The following ST8SIA2 variants were observed in gnomAD, a reference collection of about 807,000 sequenced individuals.
The protein encoded by ST8SIA2 is ST8 alpha-N-acetyl-neuraminide alpha-2,8-sialyltransferase 2.
In ST8SIA2, 22 loss-of-function variants were observed where a neutral mutation model predicts 37.6. The ratio of observed to expected loss-of-function variants is 0.58; its 90% CI spans 0.42 to 0.83. The LOEUF (loss-of-function observed/expected upper bound fraction) is 0.83. Among genes scored for constraint, ST8SIA2 ranks in the 40% least tolerant of loss-of-function variants. The pLI, the probability that ST8SIA2 is intolerant of heterozygous loss-of-function variation, is 0.00. For missense variants in ST8SIA2, 382 were observed against 484.7 expected (o/e 0.79, Z 1.99); for synonymous variants, 205 against 201.2 (o/e 1.02, Z -0.16).
intron 4 of ST8SIA2, among the ~76,000 whole-genome samples, chr15:92,441,307 T>C (rs1012917933): frequency 6.6e-6 from 1 of 151,878 alleles, no homozygotes; most frequent in African/African-American, 2.4e-5. Flanking sequence ...GGCATTGGAG[T>C]GTGGCTTGCC....
At chr15:92,424,256 T>C (rs2049657945) in intron 1 of ST8SIA2, among the ~76,000 whole-genome samples, 1 of 152,206 alleles carries the variant, frequency 6.6e-6, no homozygotes, top group South Asian at 2.1e-4. Flanking sequence ...CGTGGGAAAT[T>C]CTAACACAGC....
chr15:92,444,842 T>G lies in ST8SIA2; in HGVS notation c.755T>G (p.Val252Gly). 2 of 1,613,970 alleles carry G rather than the reference T, an allele frequency of 1.2e-6. No individual in the cohort carries two copies. Among genetic ancestry groups the G allele is most frequent in the Non-Finnish European group, 1.7e-6 (2 of 1,180,040 alleles). ...ATGGCCCGGGGCGGCAAGGAGCGTG[T>G]TGAGTGGGTCAACGAGCTTATCCTG... ...AFMARGGKER[V>G]EWVNELILKH... The change falls in exon 5 of 6, where the codon GTT becomes GGT. Residue 252 changes from valine to glycine, a missense_variant. By Grantham distance (109) the Val-to-Gly change is moderately radical. Transcript: ENST00000268164.
At chr15:92,409,571 T>C (rs963650304) in intron 1 of ST8SIA2, among the ~76,000 whole-genome samples, 1 of 152,180 alleles carries the variant, frequency 6.6e-6, no homozygotes, top group Non-Finnish European at 1.5e-5. Context: ...GAAGGGCCCA[T>C]TTCTTTCCTG....
At chr15:92,429,072 G>T (rs3825985) in intron 1 of ST8SIA2, among the ~76,000 whole-genome samples, 1 of 151,894 alleles carries the variant, frequency 6.6e-6, no homozygotes, top group African/African-American at 2.4e-5. Flanking sequence ...TAATGACAAG[G>T]TTCCTTTCAA....
chr15:92,448,105 G>T (rs551616201), intron 5 of ST8SIA2, among the ~76,000 whole-genome samples: 2 of 152,186 alleles, frequency 1.3e-5, no homozygotes, highest in Non-Finnish European at 2.9e-5. Flanking sequence ...TGTCAAAACA[G>T]CATTAAGCAC....
In ST8SIA2 at chr15:92,468,122, T is replaced by A. The variant is rs966602818; in HGVS notation, c.*3737T>A. On this transcript the variant is annotated 3_prime_UTR_variant, in exon 6 of 6. Coordinates refer to ENST00000268164, the MANE Select transcript of ST8SIA2 (RefSeq NM_006011.4). ...AATCTCGACTCTTTGTCACTTGGAC[T>A]ATTTCAGCAACAGTCTCATCTCCCA... The A allele has an allele frequency of 6.6e-6, 1 of 152,518 alleles. No homozygotes were observed. The highest frequency in any genetic ancestry group is 1.5e-5 in the Non-Finnish European group (1 of 68,060). The allele number at this position is 152,518 out of a possible 1,614,324, so 9.4% of individuals were successfully genotyped here.
chr15:92,467,047 C>G lies in ST8SIA2; in HGVS notation c.*2662C>G, dbSNP rs892944319. 6.5e-6 allele frequency: 1 copy of G among 152,748 alleles called. No homozygotes were observed. The highest frequency in any genetic ancestry group is 1.5e-5 in the Non-Finnish European group (1 of 68,474). 9.5% of individuals were successfully genotyped at this position (152,748 alleles called of 1,614,324 possible). On this transcript the variant is annotated 3_prime_UTR_variant, in exon 6 of 6. Coordinates refer to ENST00000268164, the MANE Select transcript of ST8SIA2 (RefSeq NM_006011.4). ...AGCCAGCCCTCACTGCTGACAGGCA[C>G]CCCTCTGTCACCTCCTGCCACCTGT...
chr15:92,419,256 A>C (rs2049612898), intron 1 of ST8SIA2, among the ~76,000 whole-genome samples: 1 of 152,208 alleles, frequency 6.6e-6, no homozygotes, highest in Non-Finnish European at 1.5e-5. Context: ...AGGCAGGCTC[A>C]GAAGAAGCAG....
intron 1 of ST8SIA2, among the ~76,000 whole-genome samples, chr15:92,417,119 C>T (rs751079573): frequency 1.3e-5 from 2 of 152,202 alleles, no homozygotes; most frequent in Non-Finnish European, 2.9e-5. Flanking sequence ...TTTAATCCTA[C>T]AGCAGGAACC....
At chr15:92,411,318 G>A (rs1055595449) in intron 1 of ST8SIA2, among the ~76,000 whole-genome samples, 4 of 152,126 alleles carry the variant, frequency 2.6e-5, no homozygotes, top group African/African-American at 9.7e-5. Context: ...TTGCTTGGAG[G>A]GGGCAGGTGC....
chr15:92,398,702 C>CTTCATCAATA (rs1373213797), intron 1 of ST8SIA2, among the ~76,000 whole-genome samples: 2 of 152,206 alleles, frequency 1.3e-5, no homozygotes, highest in Non-Finnish European at 2.9e-5. Flanking sequence ...AAACCGAGGC[C>CTTCATCAATA]TGGAGAGGTT....
chr15:92,451,871 C>T (rs1050457748), intron 5 of ST8SIA2, among the ~76,000 whole-genome samples: 7 of 152,194 alleles, frequency 4.6e-5, no homozygotes, highest in African/African-American at 1.7e-4. Context: ...TGATCACCAT[C>T]CATTTGCCCC....
chr15:92,448,533 G>C (rs937682748), intron 5 of ST8SIA2, among the ~76,000 whole-genome samples: 10 of 152,230 alleles, frequency 6.6e-5, no homozygotes, highest in Admixed American at 4.6e-4. Flanking sequence ...ATGGGCTTTG[G>C]CAGTAGCGAC....
intron 5 of ST8SIA2, among the ~76,000 whole-genome samples, chr15:92,454,606 G>A (rs1264806799): frequency 6.6e-6 from 1 of 152,064 alleles, no homozygotes; most frequent in African/African-American, 2.4e-5. Flanking sequence ...TGAGTAGGGA[G>A]AGGGGAGCAT....
rs1213983693 is a variant in ST8SIA2 at position 92,467,934 on chromosome 15, A to C, written c.*3549A>C. 1.3e-5 allele frequency: 2 copies of C among 152,256 alleles called. No homozygotes were observed. Among genetic ancestry groups the C allele is most frequent in the Non-Finnish European group, 2.9e-5 (2 of 68,092 alleles). 9.4% of individuals were successfully genotyped at this position (152,256 alleles called of 1,614,324 possible). A position where few individuals can be genotyped will look rare whatever the true frequency, so the allele number is the denominator to read the frequency against. The stretch of plus-strand genomic sequence containing the variant: ...GCTCCCACGGCAGCACCATCAACTC[A>C]ACAAGTCAGAAGCCAAGTGGATCAT... On this transcript the variant is annotated 3_prime_UTR_variant, in exon 6 of 6. Transcript: ENST00000268164.
intron 5 of ST8SIA2, among the ~76,000 whole-genome samples, chr15:92,455,554 G>C (rs1351777080): frequency 6.6e-6 from 1 of 152,180 alleles, no homozygotes; most frequent in East Asian, 1.9e-4. Context: ...CGTGGTTTAA[G>C]TACTGCACCT....
At chr15:92,437,164 A>C (rs1343680755) in intron 3 of ST8SIA2, among the ~76,000 whole-genome samples, 1 of 152,246 alleles carries the variant, frequency 6.6e-6, no homozygotes, top group East Asian at 1.9e-4. Flanking sequence ...CTGAAAACAA[A>C]GAACAGCATC....
chr15:92,404,818 G>A (rs182149941), intron 1 of ST8SIA2, among the ~76,000 whole-genome samples: 2 of 144,926 alleles, frequency 1.4e-5, no homozygotes, highest in African/African-American at 5.0e-5. Context: ...CTGGGTGACA[G>A]AGCAAGACTC....
intron 5 of ST8SIA2, among the ~76,000 whole-genome samples, chr15:92,449,284 G>A (rs973436837): frequency 5.3e-5 from 8 of 152,172 alleles, no homozygotes; most frequent in Non-Finnish European, 1.0e-4. Flanking sequence ...ATTCACTTAG[G>A]ATTACGGCCT....
Sources: allele counts gnomAD v4.1 joint callset (sites outside exome capture counted in the v4.1 genomes callset), GRCh38; gene constraint gnomAD v4.1.1; transcripts MANE v1.5; gene names NCBI Gene and HGNC (gene_info 2026-07-23, HGNC 2026-07-21).